DNAH17: variants seen among roughly 807,000 people sequenced by gnomAD.
DNAH17 encodes the protein axonemal beta dynein heavy chain 17.
DNAH17 carries 376 observed loss-of-function variants against 485.6 expected under a neutral mutation model. The observed-to-expected ratio is 0.77, with a 90% CI of 0.71 to 0.84. DNAH17 has a LOEUF of 0.84. DNAH17 is among the 40% of genes least tolerant of loss of function. The pLI is 0.00. For synonymous variants in DNAH17, 3,031 were observed against 2,405.9 expected (o/e 1.26, Z -7.60); for missense variants, 6,370 against 5,839.3 (o/e 1.09, Z -2.96).
chr17:78,489,214 C>T (rs1040199882), intron 44 of DNAH17, among the ~76,000 whole-genome samples: 3 of 152,338 alleles, frequency 2.0e-5, no homozygotes, highest in Middle Eastern at 3.4e-3. Flanking sequence ...GTCTCACTTC[C>T]CACGCAGAGA....
At chr17:78,575,275 C>T (rs983879320) in intron 1 of DNAH17, among the ~76,000 whole-genome samples, 193 bp from the exon 2 acceptor site, 9 of 152,182 alleles carry the variant, frequency 5.9e-5, no homozygotes, top group Non-Finnish European at 1.0e-4. Context: ...GCCCCGGCCC[C>T]GCCATGGGGG....
chr17:78,444,462 T>C (rs2087195811), intron 71 of DNAH17, 142 bp downstream of exon 71: 1 of 771,648 alleles, frequency 1.3e-6, no homozygotes, highest in Non-Finnish European at 2.0e-6. Context: ...TAAGCCCTGT[T>C]TCGTTTCTGT....
chr17:78,431,079 G>A (rs984820964), intron 75 of DNAH17, among the ~76,000 whole-genome samples: 1 of 152,008 alleles, frequency 6.6e-6, no homozygotes, highest in Non-Finnish European at 1.5e-5. Context: ...GGGTCTTGCT[G>A]TGTTGGCCAG....
chr17:78,557,372 C>G (rs1201384841), intron 14 of DNAH17, among the ~76,000 whole-genome samples: 1 of 152,160 alleles, frequency 6.6e-6, no homozygotes, highest in Non-Finnish European at 1.5e-5. Context: ...AATCCCAACA[C>G]TTTGGGAGGC....
chr17:78,558,084 A>G (rs766882703), intron 14 of DNAH17, 24 bp downstream of exon 14: 1 of 1,599,924 alleles, frequency 6.3e-7, no homozygotes, highest in Non-Finnish European at 8.5e-7. Flanking sequence ...CTGCATCAGG[A>G]ATAGTACCGA....
At chr17:78,488,500 G>A (rs1026752643) in intron 44 of DNAH17, among the ~76,000 whole-genome samples, 2 of 152,144 alleles carry the variant, frequency 1.3e-5, no homozygotes, top group African/African-American at 2.4e-5. Flanking sequence ...CCCATAGGGT[G>A]TCCCCCTGAG....
At chr17:78,444,993 G>A (rs2087220212) in intron 70 of DNAH17, among the ~76,000 whole-genome samples, 196 bp from the exon 71 acceptor site, 1 of 152,126 alleles carries the variant, frequency 6.6e-6, no homozygotes, top group Admixed American at 6.5e-5. Context: ...GACAGCGCCG[G>A]GAGCCTCCTC....
intron 71 of DNAH17, 150 bp downstream of exon 71, chr17:78,444,454 A>T: frequency 2.8e-6 from 2 of 721,576 alleles, no homozygotes; most frequent in Non-Finnish European, 4.4e-6. Context: ...TACCCCTCTA[A>T]GCCCTGTTTC....
At chr17:78,554,785 C>T (rs2143593516) in intron 14 of DNAH17, among the ~76,000 whole-genome samples, 1 of 152,244 alleles carries the variant, frequency 6.6e-6, no homozygotes, top group Non-Finnish European at 1.5e-5. Context: ...CTCGCTCTGC[C>T]ACCCAGGCTG....
At position 78,576,897 on chromosome 17, in the gene DNAH17, G is replaced by A. The variant is rs369130206; in HGVS notation, c.-26+398C>T. On this transcript the variant is annotated intron_variant, in intron 1 of 80. Coordinates refer to ENST00000389840, the MANE Select transcript of DNAH17 (RefSeq NM_173628.4). ...CCACCCAGCCGTTTCCTGGGCTGAA[G>A]GCCAGGAGGTCCCAGTTAACAATAG... Among the ~76,000 whole-genome samples, 15 of 152,336 alleles carry A rather than the reference G, an allele frequency of 9.8e-5. No homozygotes were observed. In the East Asian group the frequency reaches 1.9e-3, roughly 20 times the overall value.
chr17:78,546,174 C>A (rs1003681155), intron 16 of DNAH17, among the ~76,000 whole-genome samples: 2 of 152,152 alleles, frequency 1.3e-5, no homozygotes, highest in Admixed American at 1.3e-4. Context: ...AATACTCCTG[C>A]TTGGGCTTCC....
intron 69 of DNAH17, among the ~76,000 whole-genome samples, chr17:78,446,200 T>TAAAAAA (rs2087291327): frequency 1.5e-5 from 1 of 64,742 alleles, no homozygotes; most frequent in African/African-American, 5.0e-5. Flanking sequence ...AAAAAAAAAT[T>TAAAAAA]GACAATTGTA....
At chr17:78,536,044 C>G (rs2091364600) in intron 19 of DNAH17, among the ~76,000 whole-genome samples, 1 of 152,130 alleles carries the variant, frequency 6.6e-6, no homozygotes, top group Admixed American at 6.5e-5. Flanking sequence ...TGGCCAGGCT[C>G]TCCGTGTGTC....
rs751397261 is a variant in DNAH17, at chr17:78,501,211, C to T, written c.5456G>A (p.Arg1819Gln). 12 of 1,592,562 alleles carry T rather than the reference C, an allele frequency of 7.5e-6. No individual in the cohort carries two copies. Among genetic ancestry groups the T allele is most frequent in the Middle Eastern group, 1.7e-4 (1 of 6,036 alleles). Residue 1819 changes from arginine (R) to glutamine (Q), a missense_variant, in exon 35 of 81, where the codon CGG (arginine) becomes CAG (glutamine). By Grantham distance (43) the Arg-to-Gln change is conservative (BLOSUM62 1). Transcript: ENST00000389840. Reference sequence around the variant, plus strand: ...GTCAGTGAGTGGGGTGATGACCAGCCGCGGCGTGTTGCCCAGATACTCATA... The same window carrying T: ...GTCAGTGAGTGGGGTGATGACCAGCTGCGGCGTGTTGCCCAGATACTCATA... ...YSYEYLGNTP[R>Q]LVITPLTDRC...
In DNAH17 at chr17:78,479,758, G is replaced by A. The variant is rs543769318; in HGVS notation, c.7753-126C>T. ...AAGGTCTTTTGGGCATTGTCAGAATGGGCAGTTACCCTCCTTGTGCCTTGC... is the reference window on the plus strand; with the variant it reads ...AAGGTCTTTTGGGCATTGTCAGAATAGGCAGTTACCCTCCTTGTGCCTTGC... On this transcript the variant is annotated intron_variant, in intron 49 of 80. Transcript: ENST00000389840. The A allele has an allele frequency of 1.3e-4, 174 of 1,313,664 alleles. 2 individuals carry two copies. In the African/African-American group the frequency reaches 2.4e-3, roughly 18 times the overall value. The allele number at this position is 1,313,664 out of a possible 1,614,324, so 81.4% of individuals were successfully genotyped here.
In DNAH17 at chr17:78,530,419, T is replaced by C; in HGVS notation, c.3208A>G (p.Lys1070Glu). The change falls in exon 21 of 81, where the codon AAG (lysine) becomes GAG (glutamate). Residue 1070 changes from lysine (K) to glutamate (E), a missense_variant. Transcript: ENST00000389840. The part of the protein sequence containing the change: ...GWLQCDCRPF[K>E]QALLSTIRRW... ...CGGATTGTGCTGAGCAGGGCCTGCT[T>C]GAAGGGGCGGCAGTCGCACTGCAGC... is the stretch of plus-strand genomic sequence containing the variant. 6.2e-7 allele frequency: 1 copy of C among 1,613,688 alleles called. No individual in the cohort carries two copies. The highest frequency in any genetic ancestry group is 8.5e-7 in the Non-Finnish European group (1 of 1,179,784).
At chr17:78,537,635 C>G (rs1456024960) in intron 18 of DNAH17, among the ~76,000 whole-genome samples, 154 bp from the exon 19 acceptor site, 1 of 152,208 alleles carries the variant, frequency 6.6e-6, no homozygotes, top group Non-Finnish European at 1.5e-5. Context: ...GCACCCCGCT[C>G]CTTGAGCAAT....
intron 17 of DNAH17, among the ~76,000 whole-genome samples, chr17:78,543,157 C>G (rs28649727): frequency 0.16 from 24,648 of 152,232 alleles, 2,086 homozygotes; most frequent in African/African-American, 0.2. Flanking sequence ...CTCTTTCACC[C>G]AGGCTGGGGT....
chr17:78,479,134 C>G lies in DNAH17; in HGVS notation c.7901-18G>C. 1 of 1,611,664 alleles carries G rather than the reference C, an allele frequency of 6.2e-7. No homozygotes were observed. Among genetic ancestry groups the G allele is most frequent in the African/African-American group, 1.3e-5 (1 of 74,996 alleles). On this transcript the variant is annotated intron_variant, in intron 50 of 80. Transcript: ENST00000389840. ...ATGCAAAGCTGTTAGAGGAAAAGGA[C>G]GTGTCAATTCTCATGTACTCTTGAT...
Sources: gnomAD v4.1 joint callset for allele counts (sites outside exome capture counted in the v4.1 genomes callset) on GRCh38, gnomAD v4.1.1 for gene constraint, MANE v1.5 for transcripts, NCBI Gene and HGNC (gene_info 2026-07-23, HGNC 2026-07-21) for gene names.